Variants in TOMM34 observed in about 807,000 individuals in gnomAD.
TOMM34 encodes translocase of outer mitochondrial membrane 34.
In TOMM34, 24 loss-of-function variants were observed where a neutral mutation model predicts 37.4. That is an observed-to-expected ratio of 0.64 (90% confidence interval 0.46 to 0.90). The LOEUF is 0.90. TOMM34 is among the 40% of genes least tolerant of loss of function. The pLI is 0.00. For missense variants in TOMM34, 304 were observed against 375.6 expected (o/e 0.81, Z 1.58); for synonymous variants, 154 against 148.9 (o/e 1.03, Z -0.25).
chr20:44,960,277 ACT>A lies in TOMM34; in HGVS notation c.55_56del (p.Ser19PhefsTer67). ...CCTCGGCGTACTGGCCGTTGCGGAAACTCTCATTGCCGGCGGCGCGGAGCTCC... is the reference window on the plus strand; with the variant it reads ...CCTCGGCGTACTGGCCGTTGCGGAAACTCATTGCCGGCGGCGCGGAGCTCC... Reference protein sequence around the residue: ...VEELRAAGNESFRNGQYAEAS... With the variant: ...VEELRAAGNEXFRNGQYAEAS... On this transcript the variant is annotated frameshift_variant, in exon 1 of 7. Transcript: ENST00000372813. LOFTEE classifies it high-confidence loss of function. 6.3e-7 allele frequency: 1 copy of A among 1,580,594 alleles called. No homozygotes were observed.
chr20:44,946,126 T>C (rs181949796), intron 5 of TOMM34, among the ~76,000 whole-genome samples: 123 of 152,310 alleles, frequency 8.1e-4, no homozygotes, highest in African/African-American at 2.9e-3. Flanking sequence ...CCCAAAGTGC[T>C]GGGATTACAG....
In TOMM34 at chr20:44,942,919, G is replaced by A; in HGVS notation, c.*190C>T. On this transcript the variant is annotated 3_prime_UTR_variant, in exon 7 of 7. Coordinates refer to ENST00000372813, the MANE Select transcript of TOMM34 (RefSeq NM_006809.5). The stretch of plus-strand genomic sequence containing the variant: ...CCTTTCTGGTGCAACAACCATGTCT[G>A]TGTTTGACTACACTGAGTTTAATTT... The A allele has an allele frequency of 4.9e-6, 3 of 615,024 alleles. No homozygotes were observed. In the South Asian group the frequency reaches 5.9e-5, roughly 12 times the overall value. The allele number at this position is 615,024 out of a possible 1,614,324, so 38.1% of individuals were successfully genotyped here.
At chr20:44,949,005 G>A in intron 4 of TOMM34, 128 bp from the exon 5 acceptor site, 2 of 1,192,952 alleles carry the variant, frequency 1.7e-6, no homozygotes, top group Non-Finnish European at 1.1e-6. Flanking sequence ...CTCCCCTGCT[G>A]TAAATCATCC....
rs1221203313 is a variant in TOMM34, at chr20:44,942,888, T to G, written c.*221A>C. On this transcript the variant is annotated 3_prime_UTR_variant, in exon 7 of 7. Coordinates refer to ENST00000372813, the MANE Select transcript of TOMM34 (RefSeq NM_006809.5). ...GCTTCAGCTTCACGCTTAGCTCTAG[T>G]GGGGACCTTTCTGGTGCAACAACCA... 5.0e-6 allele frequency: 3 copies of G among 597,832 alleles called. No homozygotes were observed. 37.0% of individuals were successfully genotyped at this position (597,832 alleles called of 1,614,324 possible).
Position 44,955,060 on chromosome 20 carries a change from G to A in TOMM34, c.380+8C>T. On this transcript the variant is annotated splice_region_variant and intron_variant, in intron 3 of 6. Transcript: ENST00000372813. ...CCGTGGAGACCACCTGCTGGGAATG[G>A]AGCTCACCTGTTGATGCCTTCTACG... is the stretch of plus-strand genomic sequence containing the variant. The A allele has an allele frequency of 6.2e-7, 1 of 1,613,956 alleles. No individual in the cohort carries two copies. Among genetic ancestry groups the A allele is most frequent in the Non-Finnish European group, 8.5e-7 (1 of 1,179,918 alleles).
intron 5 of TOMM34, 41 bp from the exon 6 acceptor site, chr20:44,943,620 A>G (rs777419260): frequency 1.6e-5 from 26 of 1,612,444 alleles, no homozygotes; most frequent in Non-Finnish European, 2.2e-5. Flanking sequence ...GTCACGTCTT[A>G]TGGGCCACCC....
intron 1 of TOMM34, among the ~76,000 whole-genome samples, chr20:44,959,194 T>C (rs777966945): frequency 1.3e-5 from 2 of 152,042 alleles, no homozygotes; most frequent in Non-Finnish European, 2.9e-5. Flanking sequence ...CAAGAGATGC[T>C]AGCCAAGAAA....
At position 44,943,577 on chromosome 20, in the gene TOMM34, G is replaced by A; in HGVS notation, c.701C>T (p.Ala234Val). The change falls in exon 6 of 7, where the codon GCA (alanine) becomes GTA (valine). Residue 234 changes from alanine (A) to valine (V), a missense_variant and splice_region_variant. Physicochemically the swap from Ala to Val is moderately conservative, Grantham distance 64. Coordinates refer to ENST00000372813, the MANE Select transcript of TOMM34 (RefSeq NM_006809.5). ...NLESATYSNR[A>V]LCYLVLKQYT... ...CTGCTTCAGGACCAAATAGCAGAGT[G>A]CTCTGAAGGGAAAGACCATTTCAGA... is the stretch of plus-strand genomic sequence containing the variant. The A allele has an allele frequency of 6.2e-7, 1 of 1,614,106 alleles. No homozygotes were observed. The highest frequency in any genetic ancestry group is 8.5e-7 in the Non-Finnish European group (1 of 1,180,020).
At chr20:44,944,885 C>A (rs1314614994) in intron 5 of TOMM34, among the ~76,000 whole-genome samples, 1 of 152,174 alleles carries the variant, frequency 6.6e-6, no homozygotes, top group East Asian at 1.9e-4. Context: ...AGCTGAACAT[C>A]TTTAATAAGG....
chr20:44,955,213 C>T lies in TOMM34; in HGVS notation c.235G>A (p.Ala79Thr), dbSNP rs2067061384. Reference sequence around the variant, plus strand: ...GGCTTAATGCTGAAGGGAACCAAGGCCAGTGCTCTAGAATAGGAGGCAAAA... The same window carrying T: ...GGCTTAATGCTGAAGGGAACCAAGGTCAGTGCTCTAGAATAGGAGGCAAAA... ...DCIKDCTSAL[A>T]LVPFSIKPLL... is the part of the protein sequence containing the mutation. The change falls in exon 3 of 7, where the codon GCC becomes ACC. Residue 79 changes from alanine to threonine, a missense_variant. By Grantham distance (58) the Ala-to-Thr change is moderately conservative. Coordinates refer to ENST00000372813, the MANE Select transcript of TOMM34 (RefSeq NM_006809.5). The T allele has an allele frequency of 1.9e-6, 3 of 1,613,792 alleles. No individual in the cohort carries two copies. In the South Asian group the frequency reaches 3.3e-5, roughly 18 times the overall value.
At chr20:44,954,056 T>C in intron 3 of TOMM34, among the ~76,000 whole-genome samples, 1 of 152,168 alleles carries the variant, frequency 6.6e-6, no homozygotes. Flanking sequence ...TCTGTCACAC[T>C]TGCTCACCTT....
chr20:44,960,162 G>A (rs2067113150), intron 1 of TOMM34, 45 bp downstream of exon 1: 4 of 1,531,776 alleles, frequency 2.6e-6, no homozygotes, highest in Non-Finnish European at 2.6e-6. Flanking sequence ...GGTTGCGGGA[G>A]TTGGAGGAGC....
Position 44,948,767 on chromosome 20 carries a change from A to G in TOMM34, c.661T>C (p.Leu221=). The G allele has an allele frequency of 1.9e-6, 3 of 1,614,114 alleles. No homozygotes were observed. The highest frequency in any genetic ancestry group is 1.7e-5 in the Admixed American group (1 of 60,012). Residue 221 remains leucine, a synonymous_variant, in exon 5 of 7, where the codon TTG becomes CTG. Transcript: ENST00000372813. ...KAIEKYSESL[L]CSNLESATYS... is the part of the protein sequence containing the mutation. ...GTGGCAGATTCCAGGTTACTACACA[A>G]GAGGCTTTCACTGTACTTCTCAATA...
rs955311904 is a variant in TOMM34, at chr20:44,960,193, G to A, written c.127+14C>T. 1.3e-6 allele frequency: 2 copies of A among 1,553,696 alleles called. No homozygotes were observed. Among genetic ancestry groups the A allele is most frequent in the Non-Finnish European group, 1.7e-6 (2 of 1,150,138 alleles). Reference sequence around the variant, plus strand: ...GGAGCAGGCCCGGAGGTGAGATGGGGGCCGGGGTCGTACCTTGCGCCTGCA... The same window carrying A: ...GGAGCAGGCCCGGAGGTGAGATGGGAGCCGGGGTCGTACCTTGCGCCTGCA... On this transcript the variant is annotated intron_variant, in intron 1 of 6. Transcript: ENST00000372813.
Position 44,943,023 on chromosome 20 carries a change from T to G in TOMM34, c.*86A>C. On this transcript the variant is annotated 3_prime_UTR_variant, in exon 7 of 7. Transcript: ENST00000372813. ...GCTTCAGAGCTCACTTGGGGCATGC[T>G]GGGTTTCAGGAGCGGGCACAGAGCA... is the stretch of plus-strand genomic sequence containing the variant. 7.5e-7 allele frequency: 1 copy of G among 1,335,742 alleles called. No homozygotes were observed. Among genetic ancestry groups the G allele is most frequent in the East Asian group, 2.3e-5 (1 of 43,444 alleles). 82.7% of individuals were successfully genotyped at this position (1,335,742 alleles called of 1,614,324 possible).
Position 44,952,763 on chromosome 20 carries a change from G to A in TOMM34, c.381-761C>T, listed in dbSNP as rs1601145068. ...GTTATGTGTTGAATGAGTGAATAAT[G>A]CTAACTGTATACTTTTTCTGCTCCT... On this transcript the variant is annotated intron_variant, in intron 3 of 6. Transcript: ENST00000372813. The A allele has an allele frequency of 5.7e-6, 4 of 702,944 alleles. No individual in the cohort carries two copies. In the East Asian group the frequency reaches 1.1e-4, roughly 19 times the overall value. 43.5% of individuals were successfully genotyped at this position (702,944 alleles called of 1,614,324 possible). A position where few individuals can be genotyped will look rare whatever the true frequency, so the allele number is the denominator to read the frequency against.
intron 3 of TOMM34, among the ~76,000 whole-genome samples, chr20:44,953,047 C>T (rs1296711621): frequency 6.6e-6 from 1 of 152,194 alleles, no homozygotes; most frequent in East Asian, 1.9e-4. Context: ...AATCCACCCA[C>T]CTAAGCTCTG....
At chr20:44,944,983 C>T (rs1036913817) in intron 5 of TOMM34, among the ~76,000 whole-genome samples, 5 of 152,152 alleles carry the variant, frequency 3.3e-5, no homozygotes, top group African/African-American at 1.2e-4. Flanking sequence ...GAATACCTTC[C>T]CCACTGCAAG....
chr20:44,959,841 C>G, intron 1 of TOMM34: 5 of 832,200 alleles, frequency 6.0e-6, no homozygotes, highest in Non-Finnish European at 7.2e-6. Flanking sequence ...ACGTCCTCCC[C>G]ACCGCCCCCA....
Sources: gnomAD v4.1 joint callset for allele counts (sites outside exome capture counted in the v4.1 genomes callset) on GRCh38, gnomAD v4.1.1 for gene constraint, MANE v1.5 for transcripts, NCBI Gene and HGNC (gene_info 2026-07-23, HGNC 2026-07-21) for gene names.